CPNE1: variants seen among roughly 807,000 people sequenced by gnomAD.
CPNE1 encodes the protein copine 1.
Under a neutral mutation model 63.2 loss-of-function variants are expected in CPNE1, and 58 were observed. The observed-to-expected ratio is 0.92, with a 90% CI of 0.74 to 1.14. CPNE1 has a LOEUF of 1.14. Ranked by LOEUF, CPNE1 falls within the 50% of genes most tolerant of loss-of-function variation. CPNE1 has a pLI of 0.00. For missense variants in CPNE1, 672 were observed against 661.7 expected, an observed-to-expected ratio of 1.02 and a Z score of -0.17; for synonymous variants, 237 against 249.0, an observed-to-expected ratio of 0.95 and a Z score of 0.45.
At chr20:35,634,497 G>A (rs555814760) in intron 1 of CPNE1, among the ~76,000 whole-genome samples, 1 of 151,934 alleles carries the variant, frequency 6.6e-6, no homozygotes, top group East Asian at 1.9e-4. Flanking sequence ...GGGAGGCTGA[G>A]GCAGGAGAAT....
chr20:35,654,911 T>A (rs1463394018), intron 1 of CPNE1: 1 of 1,614,076 alleles, frequency 6.2e-7, no homozygotes, highest in Non-Finnish European at 8.5e-7. Flanking sequence ...TGAACAGAAG[T>A]GGTGGCAGTA....
Position 35,645,160 on chromosome 20 carries a change from G to A in CPNE1, c.1-12237C>T, listed in dbSNP as rs538221922. ...GTATATCTCCTACAGCACAAAATGA[G>A]ATGAGTAAATGAACAAAAGCAGACC... is the stretch of plus-strand genomic sequence containing the variant. On this transcript the variant is annotated intron_variant, in intron 1 of 15. Transcript: ENST00000397443. Among the ~76,000 whole-genome samples, 88 of 152,224 alleles carry A rather than the reference G, an allele frequency of 5.8e-4. 1 individual carries two copies. The highest frequency in any genetic ancestry group is 9.7e-4 in the Non-Finnish European group (66 of 68,008).
chr20:35,655,299 T>G (rs780397309), intron 1 of CPNE1: 1 of 1,610,488 alleles, frequency 6.2e-7, no homozygotes, highest in Admixed American at 1.7e-5. Context: ...TTGGGAGACC[T>G]TGCAAACGGA....
At chr20:35,658,527 A>C (rs370328984) in intron 1 of CPNE1, among the ~76,000 whole-genome samples, 5 of 152,114 alleles carry the variant, frequency 3.3e-5, no homozygotes, top group Non-Finnish European at 7.4e-5. Flanking sequence ...TTGGGAGGCT[A>C]AGGCAGGTGG....
Position 35,631,006 on chromosome 20 carries a change from C to T in CPNE1, c.890G>A (p.Gly297Glu). The change falls in exon 11 of 16, where the codon GGA (glycine) becomes GAA (glutamate). Residue 297 changes from glycine (G) to glutamate (E), a missense_variant. Physicochemically the swap from Gly to Glu is moderately conservative, Grantham distance 98. Coordinates refer to ENST00000397443, the MANE Select transcript of CPNE1 (RefSeq NM_152925.3). ...TAGGGAGTCAGGTGAGGAGGGGTCT[C>T]CATTGGAGCCAGTGAAGTCCACGCC... ...TVGVDFTGSN[G>E]DPSSPDSLHY... is the part of the protein sequence containing the mutation. 1.2e-6 allele frequency: 2 copies of T among 1,613,702 alleles called. No individual in the cohort carries two copies. The highest frequency in any genetic ancestry group is 2.7e-5 in the African/African-American group (2 of 74,854).
intron 1 of CPNE1, among the ~76,000 whole-genome samples, chr20:35,640,782 G>A (rs1458266577): frequency 6.6e-6 from 1 of 152,170 alleles, no homozygotes; most frequent in Admixed American, 6.5e-5. Flanking sequence ...ATTTATGAAT[G>A]CTAGGAAAGG....
intron 1 of CPNE1, among the ~76,000 whole-genome samples, chr20:35,659,262 C>T (rs527785348): frequency 6.6e-6 from 1 of 152,174 alleles, no homozygotes; most frequent in African/African-American, 2.4e-5. Flanking sequence ...TTAACTTAGC[C>T]CAATAACGAA....
At chr20:35,630,843 G>C (rs757889436) in intron 11 of CPNE1, 48 bp from the exon 12 acceptor site, 2 of 1,605,126 alleles carry the variant, frequency 1.2e-6, no homozygotes, top group Non-Finnish European at 1.7e-6. Flanking sequence ...GGGACTGTAA[G>C]CTCAGAGGCT....
intron 1 of CPNE1, among the ~76,000 whole-genome samples, chr20:35,645,072 G>C (rs1732494561): frequency 6.6e-6 from 1 of 152,134 alleles, no homozygotes. Flanking sequence ...CCGCCTTCCT[G>C]ATGATCTCCA....
At chr20:35,626,893 G>A in intron 14 of CPNE1, 90 bp from the exon 15 acceptor site, 3 of 1,103,384 alleles carry the variant, frequency 2.7e-6, no homozygotes, top group Non-Finnish European at 4.2e-6. Context: ...CTCATAAGAA[G>A]TCCCTTGTTA....
intron 1 of CPNE1, chr20:35,658,800 AAAACACAC>A (rs2034057539): frequency 4.2e-6 from 2 of 481,466 alleles, no homozygotes; most frequent in African/African-American, 6.7e-5. Context: ...CAAGCAAACA[AAAACACAC>A]ACACACACAC....
chr20:35,628,005 G>A (rs998736533), intron 13 of CPNE1, among the ~76,000 whole-genome samples: 110 of 152,194 alleles, frequency 7.2e-4, no homozygotes, highest in African/African-American at 2.5e-3. Context: ...ACTAAGGCCG[G>A]GCGCAGTGGC....
intron 1 of CPNE1, 187 bp downstream of exon 1, chr20:35,664,573 C>T (rs2034432016): frequency 6.6e-6 from 1 of 152,414 alleles, no homozygotes; most frequent in African/African-American, 2.4e-5. Flanking sequence ...CTTGCGTCCT[C>T]CTTGCATCCT....
chr20:35,630,812 T>C lies in CPNE1; in HGVS notation c.996-17A>G, dbSNP rs1384675768. On this transcript the variant is annotated splice_polypyrimidine_tract_variant and intron_variant, in intron 11 of 15. Coordinates refer to ENST00000397443, the MANE Select transcript of CPNE1 (RefSeq NM_152925.3). ...AGCTTGTCTCTGTGGGAGGACAGTG[T>C]ATTGGGCAAAAGGCAGTGAGGGGAC... 2 of 1,611,852 alleles carry C rather than the reference T, an allele frequency of 1.2e-6. No individual in the cohort carries two copies. Among genetic ancestry groups the C allele is most frequent in the Non-Finnish European group, 1.7e-6 (2 of 1,179,038 alleles).
chr20:35,646,702 G>A (rs1337563202), intron 1 of CPNE1, among the ~76,000 whole-genome samples: 1 of 152,146 alleles, frequency 6.6e-6, no homozygotes, highest in Non-Finnish European at 1.5e-5. Flanking sequence ...TGGAGGTAAT[G>A]AACCATCAAG....
At position 35,632,526 on chromosome 20, in the gene CPNE1, G is replaced by A; in HGVS notation, c.300C>T (p.Ser100=). ...CCCCAGCCCTACATACCTGTCCTAG[G>A]GAACACTCAGCACCCCCTAGGAAGT... ...DDDFLGGAEC[S]LGQIVSSQVL... The change falls in exon 3 of 16, where the codon TCC becomes TCT. Residue 100 remains serine, a synonymous_variant. Transcript: ENST00000397443. 1.2e-6 allele frequency: 2 copies of A among 1,613,610 alleles called. No individual in the cohort carries two copies. The highest frequency in any genetic ancestry group is 1.7e-6 in the Non-Finnish European group (2 of 1,179,722).
intron 1 of CPNE1, among the ~76,000 whole-genome samples, chr20:35,644,252 A>G (rs774983969): frequency 3.3e-5 from 5 of 152,278 alleles, no homozygotes; most frequent in Admixed American, 6.5e-5. Flanking sequence ...TAATTGGACC[A>G]AGGAGGAGTG....
At position 35,626,064 on chromosome 20, in the gene CPNE1, T is replaced by C. The variant is rs886587801; in HGVS notation, c.*177A>G. On this transcript the variant is annotated 3_prime_UTR_variant, in exon 16 of 16. Coordinates refer to ENST00000397443, the MANE Select transcript of CPNE1 (RefSeq NM_152925.3). ...AAGCATTGGTCTTCACTGGTCTTTA[T>C]TGAATGAGGGTTGTCAGGAGCAAAG... 2 of 707,952 alleles carry C rather than the reference T, an allele frequency of 2.8e-6. No individual in the cohort carries two copies. The highest frequency in any genetic ancestry group is 3.4e-5 in the South Asian group (2 of 59,502). 43.9% of individuals were successfully genotyped at this position (707,952 alleles called of 1,614,324 possible). A position where few individuals can be genotyped will look rare whatever the true frequency, so the allele number is the denominator to read the frequency against.
rs772251656 is a variant in CPNE1 at position 35,632,234 on chromosome 20, C to A, written c.385G>T (p.Val129Phe). 1 of 1,614,028 alleles carries A rather than the reference C, an allele frequency of 6.2e-7. No homozygotes were observed. The highest frequency in any genetic ancestry group is 1.1e-5 in the South Asian group (1 of 91,080). The change falls in exon 5 of 16, where the codon GTC (valine) becomes TTC (phenylalanine). Residue 129 changes from valine (V) to phenylalanine (F), a missense_variant and splice_region_variant. Coordinates refer to ENST00000397443, the MANE Select transcript of CPNE1 (RefSeq NM_152925.3). ...TTGTCCTTTAATTCCTGAGCTGAGA[C>A]CTAGGTAGGGGAGACTACATCACCT... is the stretch of plus-strand genomic sequence containing the variant. ...GKPAGRGTIT[V>F]SAQELKDNRV...
Sources: gnomAD v4.1 joint callset for allele counts (sites outside exome capture counted in the v4.1 genomes callset) on GRCh38, gnomAD v4.1.1 for gene constraint, MANE v1.5 for transcripts, NCBI Gene and HGNC (gene_info 2026-07-23, HGNC 2026-07-21) for gene names.